ADAMTS6: variants seen among roughly 807,000 people sequenced by gnomAD.
ADAMTS6 encodes ADAM metallopeptidase with thrombospondin type 1 motif 6.
In ADAMTS6, 23 loss-of-function variants were observed where a neutral mutation model predicts 144.3. The ratio of observed to expected loss-of-function variants is 0.16; its 90% CI spans 0.11 to 0.23. The LOEUF (loss-of-function observed/expected upper bound fraction) is 0.23, where lower values mean the gene tolerates loss of function less well. Among genes scored for constraint, ADAMTS6 ranks in the 10% least tolerant of loss-of-function variants. The probability of loss-of-function intolerance (pLI) is 1.00; values close to 1 mark genes in which losing one functional copy is unlikely to be tolerated. For synonymous variants in ADAMTS6, 444 were observed against 457.5 expected, an observed-to-expected ratio of 0.97 and a Z score of 0.38; for missense variants, 999 against 1,379.6, an observed-to-expected ratio of 0.72 and a Z score of 4.37.
At chr5:65,172,402 A>T (rs1333243166) in intron 23 of ADAMTS6, among the ~76,000 whole-genome samples, 1 of 150,992 alleles carries the variant, frequency 6.6e-6, no homozygotes, top group Non-Finnish European at 1.5e-5. Flanking sequence ...CGACAGAGTG[A>T]GACTCCATCT....
chr5:65,310,514 C>T (rs971082951), intron 9 of ADAMTS6, among the ~76,000 whole-genome samples: 3 of 152,052 alleles, frequency 2.0e-5, no homozygotes, highest in African/African-American at 4.8e-5. Flanking sequence ...GATAGAATGA[C>T]ACTGTGTCTC....
intron 3 of ADAMTS6, among the ~76,000 whole-genome samples, chr5:65,467,267 T>G (rs1324735702): frequency 6.6e-6 from 1 of 151,076 alleles, no homozygotes; most frequent in Non-Finnish European, 1.5e-5. Flanking sequence ...GAAGAAAAAA[T>G]TAAGAAGATA....
intron 7 of ADAMTS6, among the ~76,000 whole-genome samples, chr5:65,392,814 G>C (rs1222286503): frequency 1.3e-5 from 2 of 152,146 alleles, no homozygotes; most frequent in African/African-American, 4.8e-5. Flanking sequence ...TTGTTTAAGA[G>C]TTTAAATGTT....
intron 7 of ADAMTS6, among the ~76,000 whole-genome samples, chr5:65,377,717 G>A (rs1007748989): frequency 3.3e-5 from 5 of 152,186 alleles, no homozygotes; most frequent in African/African-American, 9.6e-5. Flanking sequence ...TAAGAAAGAA[G>A]AATGAAAGAA....
intron 20 of ADAMTS6, among the ~76,000 whole-genome samples, chr5:65,202,241 G>A (rs977854889): frequency 6.6e-6 from 1 of 152,054 alleles, no homozygotes; most frequent in African/African-American, 2.4e-5. Flanking sequence ...AGCAAAACTG[G>A]ATGTCCTAAG....
chr5:65,354,796 A>G (rs1749174839), intron 7 of ADAMTS6, among the ~76,000 whole-genome samples: 1 of 151,754 alleles, frequency 6.6e-6, no homozygotes, highest in Non-Finnish European at 1.5e-5. Context: ...GAAAGATGGT[A>G]TTTGTGGCAT....
At chr5:65,157,258 T>A (rs1020146661) in intron 24 of ADAMTS6, among the ~76,000 whole-genome samples, 1 of 152,012 alleles carries the variant, frequency 6.6e-6, no homozygotes, top group Non-Finnish European at 1.5e-5. Context: ...TGCCAATGAG[T>A]TTTTCCCCAG....
At chr5:65,359,868 T>A (rs992244089) in intron 7 of ADAMTS6, among the ~76,000 whole-genome samples, 5 of 152,056 alleles carry the variant, frequency 3.3e-5, no homozygotes, top group African/African-American at 1.2e-4. Flanking sequence ...AGGGGGAAGT[T>A]TTTGATTAAA....
At chr5:65,436,575 C>T (rs1194663639) in intron 7 of ADAMTS6, among the ~76,000 whole-genome samples, 3 of 152,134 alleles carry the variant, frequency 2.0e-5, no homozygotes, top group African/African-American at 7.2e-5. Context: ...GTGGCTCATG[C>T]CTGTAATCCC....
rs772730228 is a variant in ADAMTS6 at position 65,170,660 on chromosome 5, C to T, written c.3201G>A (p.Gln1067=). ...LETVRPPSMQ[Q]CESKCDSTPI... ...GGGTACTGTCACATTTGCTTTCACACTGCTGCATTGATGGAGGCCGAACAG... is the reference window on the plus strand; with the variant it reads ...GGGTACTGTCACATTTGCTTTCACATTGCTGCATTGATGGAGGCCGAACAG... The change falls in exon 24 of 25, where the codon CAG becomes CAA. Residue 1067 remains glutamine, a synonymous_variant. Transcript: ENST00000381055. 4.3e-5 allele frequency: 69 copies of T among 1,614,026 alleles called. No individual in the cohort carries two copies. The South Asian group carries it at 7.2e-4, about 17-fold the overall frequency.
chr5:65,360,903 T>G (rs1749768455), intron 7 of ADAMTS6, among the ~76,000 whole-genome samples: 1 of 152,242 alleles, frequency 6.6e-6, no homozygotes, highest in South Asian at 2.1e-4. Flanking sequence ...ATTTTTTTAA[T>G]AGTTTACCAT....
At chr5:65,299,894 C>A in intron 10 of ADAMTS6, 91 bp downstream of exon 10, 1 of 1,403,108 alleles carries the variant, frequency 7.1e-7, no homozygotes, top group South Asian at 1.5e-5. Context: ...AAAACTTACT[C>A]ATTATGCAAA....
chr5:65,372,088 C>CA (rs1181945873), intron 7 of ADAMTS6, among the ~76,000 whole-genome samples: 8 of 151,066 alleles, frequency 5.3e-5, no homozygotes, highest in African/African-American at 1.2e-4. Context: ...ATTTTGTCAC[C>CA]ACCACGCCTG....
chr5:65,197,020 A>G lies in ADAMTS6; in HGVS notation c.2705+2T>C. The G allele has an allele frequency of 6.2e-7, 1 of 1,606,072 alleles. No individual in the cohort carries two copies. Among genetic ancestry groups the G allele is most frequent in the Non-Finnish European group, 8.5e-7 (1 of 1,176,768 alleles). On this transcript the variant is annotated splice_donor_variant, in intron 21 of 24. Transcript: ENST00000381055. LOFTEE classifies it high-confidence loss of function. ...TAATTCTCATTTCTTTCCCTTACTT[A>G]CTCAGGTGGGCAGGGCTCAGTGTTG...
intron 3 of ADAMTS6, among the ~76,000 whole-genome samples, chr5:65,465,470 A>G (rs34618650): frequency 0.25 from 38,273 of 152,136 alleles, 6,191 homozygotes; most frequent in Non-Finnish European, 0.34. Flanking sequence ...TCCCACTTCA[A>G]ACAAAACAAA....
intron 10 of ADAMTS6, among the ~76,000 whole-genome samples, chr5:65,298,386 T>C (rs1367444227): frequency 6.6e-6 from 1 of 152,198 alleles, no homozygotes; most frequent in Non-Finnish European, 1.5e-5. Context: ...TTATACAGTT[T>C]GTCTTTCTGG....
In ADAMTS6 at chr5:65,150,313, C is replaced by G. The variant is rs150561157; in HGVS notation, c.*1523G>C. 9.8e-5 allele frequency: 15 copies of G among 152,596 alleles called. No homozygotes were observed. The highest frequency in any genetic ancestry group is 3.6e-4 in the African/African-American group (15 of 41,432). 9.5% of individuals were successfully genotyped at this position (152,596 alleles called of 1,614,324 possible). A position where few individuals can be genotyped will look rare whatever the true frequency, so the allele number is the denominator to read the frequency against. On this transcript the variant is annotated 3_prime_UTR_variant, in exon 25 of 25. Coordinates refer to ENST00000381055, the MANE Select transcript of ADAMTS6 (RefSeq NM_197941.4). ...GACACAAAGCACATTCATCAAGAAC[C>G]TGCTGCAAGCTACACGTGTTCAAGT...
intron 21 of ADAMTS6, among the ~76,000 whole-genome samples, chr5:65,191,074 G>A (rs1754990387): frequency 6.6e-6 from 1 of 151,918 alleles, no homozygotes; most frequent in Non-Finnish European, 1.5e-5. Flanking sequence ...ATTCTCTCTG[G>A]GAATATAAAT....
At chr5:65,394,324 C>G (rs533802929) in intron 7 of ADAMTS6, among the ~76,000 whole-genome samples, 9 of 152,216 alleles carry the variant, frequency 5.9e-5, no homozygotes, top group Admixed American at 2.6e-4. Context: ...GGCCATCCCC[C>G]AGCTGCTTCA....
Sources: gnomAD v4.1 joint callset for allele counts (sites outside exome capture counted in the v4.1 genomes callset) on GRCh38, gnomAD v4.1.1 for gene constraint, MANE v1.5 for transcripts, NCBI Gene and HGNC (gene_info 2026-07-23, HGNC 2026-07-21) for gene names.